CHODL: variants seen among roughly 807,000 people sequenced by gnomAD.
The protein encoded by CHODL is transmembrane protein MT75.
A neutral mutation model predicts 34.5 loss-of-function variants in CHODL; 29 were observed. The ratio of observed to expected loss-of-function variants is 0.84; its 90% CI spans 0.63 to 1.15. CHODL has a LOEUF of 1.15. Ranked by LOEUF, CHODL falls within the 50% of genes most tolerant of loss-of-function variation. The pLI is 0.00. For missense variants in CHODL, 332 were observed against 332.5 expected, an observed-to-expected ratio of 1.00 and a Z score of 0.01; for synonymous variants, 125 against 116.1, an observed-to-expected ratio of 1.08 and a Z score of -0.49.
chr21:17,988,646 G>C (rs1308487010), intron 1 of CHODL, among the ~76,000 whole-genome samples: 2 of 136,546 alleles, frequency 1.5e-5, no homozygotes, highest in Non-Finnish European at 3.1e-5. Context: ...AGAATATGCA[G>C]TGTTTGGTTT....
chr21:18,078,352 C>T (rs1267227248), intron 2 of CHODL, among the ~76,000 whole-genome samples: 3 of 151,994 alleles, frequency 2.0e-5, no homozygotes, highest in African/African-American at 2.4e-5. Flanking sequence ...TCTTGTGAGA[C>T]GTATTCACTA....
At chr21:18,008,327 TG>T (rs1464588392) in intron 1 of CHODL, among the ~76,000 whole-genome samples, 2 of 152,132 alleles carry the variant, frequency 1.3e-5, no homozygotes, top group Non-Finnish European at 2.9e-5. Flanking sequence ...TGTGTGTGTG[TG>T]TGTGTGTTGT....
chr21:18,155,366 T>A (rs1208253562), intron 2 of CHODL, among the ~76,000 whole-genome samples: 2 of 152,186 alleles, frequency 1.3e-5, no homozygotes, highest in Non-Finnish European at 2.9e-5. Context: ...GAACCCAGAA[T>A]TCATGTGCCT....
chr21:18,132,358 T>C (rs1460594513), intron 2 of CHODL, among the ~76,000 whole-genome samples: 1 of 152,170 alleles, frequency 6.6e-6, no homozygotes, highest in Non-Finnish European at 1.5e-5. Context: ...ATTAAGCATT[T>C]TGCAGATATG....
At chr21:18,225,885 A>C (rs1312786399) in intron 2 of CHODL, among the ~76,000 whole-genome samples, 1 of 152,154 alleles carries the variant, frequency 6.6e-6, no homozygotes, top group Non-Finnish European at 1.5e-5. Flanking sequence ...AATAAAAAAC[A>C]TACAAGTCTA....
chr21:18,245,237 T>C lies in CHODL; in HGVS notation c.14T>C (p.Val5Ala). The C allele has an allele frequency of 6.6e-7, 1 of 1,512,000 alleles. No homozygotes were observed. Among genetic ancestry groups the C allele is most frequent in the Non-Finnish European group, 8.8e-7 (1 of 1,136,148 alleles). The allele number at this position is 1,512,000 out of a possible 1,614,324, so 93.7% of individuals were successfully genotyped here. The stretch of plus-strand genomic sequence containing the variant: ...CACCGCGCCGCGATGAGCCGCGTGG[T>C]CTCGCTGCTGCTGGGCGCCGCGCTG... The part of the protein sequence containing the change: MSRV[V>A]SLLLGAALLC... The change falls in exon 1 of 6, where the codon GTC becomes GCC. Residue 5 changes from valine (V) to alanine (A), a missense_variant. Transcript: ENST00000299295.
intron 2 of CHODL, among the ~76,000 whole-genome samples, chr21:18,123,190 A>T (rs1043958874): frequency 6.6e-6 from 1 of 152,238 alleles, no homozygotes; most frequent in Non-Finnish European, 1.5e-5. Context: ...ATCCTCAGGC[A>T]CATACCCTCA....
chr21:17,978,149 C>T (rs1189744425), intron 1 of CHODL, among the ~76,000 whole-genome samples: 2 of 151,984 alleles, frequency 1.3e-5, no homozygotes, highest in Admixed American at 1.3e-4. Context: ...GTCGGCCAGG[C>T]GTGGTGGCTC....
Position 18,127,672 on chromosome 21 carries a change from GTTTTTTTTTTTT to G in CHODL, c.-45+99719_-45+99730del, listed in dbSNP as rs71318127. ...TTACATAACCAGTTGCGTTGCCATT[GTTTTTTTTTTTT>G]TTTTTTTTTTTTTTTTTAGCTTAAA... On this transcript the variant is annotated intron_variant, in intron 2 of 6. Coordinates refer to the CHODL transcript ENST00000400127. 3.9e-3 allele frequency among the ~76,000 whole-genome samples: 273 copies of G among 70,054 alleles called. 2 individuals carry two copies. The highest frequency in any genetic ancestry group is 0.012 in the African/African-American group (228 of 18,934). 46.0% of individuals were successfully genotyped at this position (70,054 alleles called of 152,430 possible). A position where few individuals can be genotyped will look rare whatever the true frequency, so the allele number is the denominator to read the frequency against.
upstream of CHODL, among the ~76,000 whole-genome samples, chr21:18,241,394 A>G (rs995695072): frequency 2.6e-5 from 4 of 152,220 alleles, no homozygotes; most frequent in African/African-American, 9.6e-5. Flanking sequence ...TAGATAAAGT[A>G]TAATAGAATA....
intron 2 of CHODL, among the ~76,000 whole-genome samples, chr21:18,114,368 C>T (rs2065386927): frequency 6.6e-6 from 1 of 152,124 alleles, no homozygotes; most frequent in Non-Finnish European, 1.5e-5. Flanking sequence ...TTTCATATTG[C>T]ATATCTGTAT....
chr21:17,941,573 G>T (rs1296521350), intron 1 of CHODL, among the ~76,000 whole-genome samples: 1 of 150,704 alleles, frequency 6.6e-6, no homozygotes, highest in Non-Finnish European at 1.5e-5. Flanking sequence ...AAAAACAGAG[G>T]GATAATGTTC....
chr21:18,213,427 G>T lies in CHODL; in HGVS notation c.-44-43082G>T, dbSNP rs117067061. Among the ~76,000 whole-genome samples, 760 of 152,052 alleles carry T rather than the reference G, an allele frequency of 5.0e-3. 4 individuals carry two copies. The highest frequency in any genetic ancestry group is 0.014 in the Middle Eastern group (4 of 294). ...AACTAAACAACCGAATGCTATTATTGCCCAGTTCTGTTTTGCCTGTGTTGG... is the reference window on the plus strand; with the variant it reads ...AACTAAACAACCGAATGCTATTATTTCCCAGTTCTGTTTTGCCTGTGTTGG... On this transcript the variant is annotated intron_variant, in intron 2 of 6. Coordinates refer to the CHODL transcript ENST00000400127.
intron 2 of CHODL, among the ~76,000 whole-genome samples, chr21:18,044,692 A>G (rs1403971096): frequency 6.6e-6 from 1 of 151,792 alleles, no homozygotes; most frequent in Non-Finnish European, 1.5e-5. Context: ...TTGATTATAT[A>G]CTCTTTTATG....
chr21:18,198,878 T>G (rs2073619408), intron 2 of CHODL, among the ~76,000 whole-genome samples: 1 of 152,122 alleles, frequency 6.6e-6, no homozygotes, highest in African/African-American at 2.4e-5. Flanking sequence ...TATTAGAATT[T>G]CGATATTGTC....
rs1246427538 is a variant in CHODL at position 18,245,317 on chromosome 21, G to A, written c.79+15G>A. 4 of 1,513,292 alleles carry A rather than the reference G, an allele frequency of 2.6e-6. No individual in the cohort carries two copies. The highest frequency in any genetic ancestry group is 2.6e-6 in the Non-Finnish European group (3 of 1,135,956). 93.7% of individuals were successfully genotyped at this position (1,513,292 alleles called of 1,614,324 possible). ...CGTGGTCAGCGGTGAGTCAGGGGCC[G>A]TCTCCCCGAAGAACGAGCGGGGAGA... On this transcript the variant is annotated intron_variant, in intron 1 of 5. Transcript: ENST00000299295.
At chr21:18,120,779 TC>T (rs1384042431) in intron 2 of CHODL, among the ~76,000 whole-genome samples, 1 of 144,492 alleles carries the variant, frequency 6.9e-6, no homozygotes, top group Non-Finnish European at 1.5e-5. Context: ...AATGGACTTC[TC>T]TTGTAACCAT....
At chr21:17,932,713 A>C (rs2063284212) in intron 1 of CHODL, among the ~76,000 whole-genome samples, 1 of 152,222 alleles carries the variant, frequency 6.6e-6, no homozygotes, top group South Asian at 2.1e-4. Flanking sequence ...ATGGAAAATC[A>C]AATACTGAAG....
intron 2 of CHODL, among the ~76,000 whole-genome samples, chr21:18,209,776 G>T (rs2073753580): frequency 6.6e-6 from 1 of 152,142 alleles, no homozygotes; most frequent in African/African-American, 2.4e-5. Context: ...TCCCTTCAAG[G>T]CAGTAGGTTC....
Sources: gnomAD v4.1 joint callset for allele counts (sites outside exome capture counted in the v4.1 genomes callset) on GRCh38, gnomAD v4.1.1 for gene constraint, MANE v1.5 for transcripts, NCBI Gene and HGNC (gene_info 2026-07-23, HGNC 2026-07-21) for gene names.